The following FBXO11 variants were observed in gnomAD, a reference collection of about 807,000 sequenced individuals.
FBXO11 encodes the protein F-box only protein 11.
FBXO11 carries 13 observed loss-of-function variants against 117.0 expected under a neutral mutation model. The observed-to-expected ratio is 0.11, with a 90% CI of 0.07 to 0.18. The LOEUF is 0.18. Ranked by LOEUF, FBXO11 falls within the 10% of genes least tolerant of loss-of-function variation. The pLI, the probability that FBXO11 is intolerant of heterozygous loss-of-function variation, is 1.00. For synonymous variants in FBXO11, 490 were observed against 380.5 expected (o/e 1.29, Z -3.35); for missense variants, 767 against 1,164.4 (o/e 0.66, Z 4.97).
chr2:47,871,661 T>C (rs780777074), intron 1 of FBXO11, among the ~76,000 whole-genome samples: 2 of 152,218 alleles, frequency 1.3e-5, no homozygotes, highest in Non-Finnish European at 2.9e-5. Flanking sequence ...ATTTTTATAT[T>C]AGGGTGGCTA....
chr2:47,813,577 G>A (rs948591796), intron 17 of FBXO11, among the ~76,000 whole-genome samples, 200 bp from the exon 18 acceptor site: 34 of 151,568 alleles, frequency 2.2e-4, no homozygotes, highest in African/African-American at 5.1e-4. Flanking sequence ...GAATACAGGC[G>A]TGTGCCACCA....
intron 1 of FBXO11, among the ~76,000 whole-genome samples, chr2:47,887,394 G>A (rs960083903): frequency 2.6e-5 from 4 of 151,808 alleles, no homozygotes; most frequent in African/African-American, 9.7e-5. Context: ...CTACCTCTGG[G>A]AATGAAAGAA....
chr2:47,819,161 A>C, intron 14 of FBXO11, 83 bp from the exon 15 acceptor site: 1 of 1,421,092 alleles, frequency 7.0e-7, no homozygotes, highest in Non-Finnish European at 9.5e-7. Context: ...ATAGACAGTT[A>C]AAAAATTTTC....
chr2:47,897,453 T>C (rs1206880434), intron 1 of FBXO11, among the ~76,000 whole-genome samples: 1 of 152,056 alleles, frequency 6.6e-6, no homozygotes, highest in Non-Finnish European at 1.5e-5. Flanking sequence ...TCCCAGCATT[T>C]TGGGAGGCTT....
intron 11 of FBXO11, among the ~76,000 whole-genome samples, chr2:47,826,418 C>A (rs1671760466): frequency 6.6e-6 from 1 of 152,066 alleles, no homozygotes; most frequent in Non-Finnish European, 1.5e-5. Context: ...TCCAGAGGGC[C>A]CCACTTTTAA....
At position 47,807,989 on chromosome 2, in the gene FBXO11, C is replaced by G. The variant is rs1670343225; in HGVS notation, c.*129G>C. On this transcript the variant is annotated 3_prime_UTR_variant, in exon 23 of 23. Transcript: ENST00000403359. Reference sequence around the variant, plus strand: ...GGTAGCTTGAGCTTCATAGTGTCAACTGACCTTGTGTATCCATTTTTAATA... The same window carrying G: ...GGTAGCTTGAGCTTCATAGTGTCAAGTGACCTTGTGTATCCATTTTTAATA... 7 of 825,224 alleles carry G rather than the reference C, an allele frequency of 8.5e-6. No individual in the cohort carries two copies. The East Asian group carries it at 1.7e-4, about 20-fold the overall frequency. The allele number at this position is 825,224 out of a possible 1,614,324, so 51.1% of individuals were successfully genotyped here.
intron 16 of FBXO11, 104 bp from the exon 17 acceptor site, chr2:47,813,971 A>G: frequency 1.2e-6 from 1 of 843,542 alleles, no homozygotes; most frequent in Non-Finnish European, 1.9e-6. Flanking sequence ...TCACTTAGTA[A>G]GAATTAACTA....
At chr2:47,882,072 T>C (rs1334886606) in intron 1 of FBXO11, among the ~76,000 whole-genome samples, 1 of 152,192 alleles carries the variant, frequency 6.6e-6, no homozygotes, top group East Asian at 1.9e-4. Context: ...TATGTCTATA[T>C]ATAAATTCAC....
intron 1 of FBXO11, among the ~76,000 whole-genome samples, chr2:47,889,728 A>G (rs1177978053): frequency 6.6e-6 from 1 of 152,170 alleles, no homozygotes; most frequent in Non-Finnish European, 1.5e-5. Flanking sequence ...CTTCACAGGT[A>G]AACTCAAGTT....
chr2:47,824,530 A>G (rs1671609994), intron 11 of FBXO11, among the ~76,000 whole-genome samples: 1 of 152,230 alleles, frequency 6.6e-6, no homozygotes, highest in South Asian at 2.1e-4. Flanking sequence ...TCTTAAAATA[A>G]GAGCAATTTT....
chr2:47,815,308 G>C (rs1670933085), intron 16 of FBXO11, among the ~76,000 whole-genome samples: 1 of 152,192 alleles, frequency 6.6e-6, no homozygotes, highest in Non-Finnish European at 1.5e-5. Flanking sequence ...CCTTCCCCTG[G>C]GTATCCCCCT....
intron 1 of FBXO11, among the ~76,000 whole-genome samples, chr2:47,897,787 G>A (rs1195991366): frequency 6.7e-6 from 1 of 150,236 alleles, no homozygotes; most frequent in Non-Finnish European, 1.5e-5. Context: ...ATCTGGAAAA[G>A]GAGTGTTGTT....
chr2:47,864,851 A>G (rs879329160), intron 1 of FBXO11, among the ~76,000 whole-genome samples: 4 of 152,172 alleles, frequency 2.6e-5, no homozygotes, highest in Middle Eastern at 3.2e-3. Context: ...AACATGTATT[A>G]TAATAGTCTA....
At position 47,807,530 on chromosome 2, in the gene FBXO11, A is replaced by T. The variant is rs1275973885; in HGVS notation, c.*588T>A. The T allele has an allele frequency of 4.7e-6, 1 of 211,540 alleles. No homozygotes were observed. Among genetic ancestry groups the T allele is most frequent in the Non-Finnish European group, 9.6e-6 (1 of 104,242 alleles). The allele number at this position is 211,540 out of a possible 1,614,324, so 13.1% of individuals were successfully genotyped here. On this transcript the variant is annotated 3_prime_UTR_variant, in exon 23 of 23. Coordinates refer to ENST00000403359, the MANE Select transcript of FBXO11 (RefSeq NM_001190274.2). The stretch of plus-strand genomic sequence containing the variant: ...ATAGAAAGAACGTACATACTGGGAC[A>T]TGAGTACAGTTACAGCAAGTCTAGG...
chr2:47,841,205 A>G (rs1378010144), intron 1 of FBXO11, among the ~76,000 whole-genome samples: 1 of 152,200 alleles, frequency 6.6e-6, no homozygotes, highest in Non-Finnish European at 1.5e-5. Context: ...CTCAAAAAAA[A>G]ACCAAAAACC....
At chr2:47,843,601 A>G (rs764540149) in intron 1 of FBXO11, among the ~76,000 whole-genome samples, 5 of 152,206 alleles carry the variant, frequency 3.3e-5, no homozygotes, top group Non-Finnish European at 7.3e-5. Flanking sequence ...CTTCATCACT[A>G]ACAATGCTTT....
At chr2:47,890,634 T>A (rs1414102862) in intron 1 of FBXO11, among the ~76,000 whole-genome samples, 1 of 151,646 alleles carries the variant, frequency 6.6e-6, no homozygotes, top group Non-Finnish European at 1.5e-5. Context: ...CAAAACCCCA[T>A]CTCTACTAAA....
At chr2:47,862,981 G>A (rs1221172525) in intron 1 of FBXO11, among the ~76,000 whole-genome samples, 2 of 151,226 alleles carry the variant, frequency 1.3e-5, no homozygotes, top group African/African-American at 2.4e-5. Flanking sequence ...CTTGAACCCC[G>A]GAAGTGAAAG....
intron 1 of FBXO11, among the ~76,000 whole-genome samples, chr2:47,896,967 C>T (rs1181536549): frequency 6.6e-6 from 1 of 152,134 alleles, no homozygotes; most frequent in Non-Finnish European, 1.5e-5. Context: ...TGGAAAGACT[C>T]CTACTTTTCA....
Sources: gnomAD v4.1 joint callset for allele counts (sites outside exome capture counted in the v4.1 genomes callset) on GRCh38, gnomAD v4.1.1 for gene constraint, MANE v1.5 for transcripts, NCBI Gene and HGNC (gene_info 2026-07-23, HGNC 2026-07-21) for gene names.